Variants in MPP7 observed in about 807,000 individuals in gnomAD.
The protein encoded by MPP7 is MAGUK p55 subfamily member 7.
MPP7 carries 60 observed loss-of-function variants against 76.5 expected under a neutral mutation model. The ratio of observed to expected loss-of-function variants is 0.78; its 90% CI spans 0.64 to 0.97. The LOEUF is 0.97. Ranked by LOEUF, MPP7 falls within the 50% of genes least tolerant of loss-of-function variation. The pLI is 0.00. For missense variants in MPP7, 641 were observed against 694.0 expected (o/e 0.92, Z 0.86); for synonymous variants, 237 against 244.5 (o/e 0.97, Z 0.29).
chr10:28,098,605 T>C (rs1391398702), intron 11 of MPP7, among the ~76,000 whole-genome samples: 1 of 151,508 alleles, frequency 6.6e-6, no homozygotes, highest in Non-Finnish European at 1.5e-5. Flanking sequence ...CAACAACAAA[T>C]GAAATGAACA....
chr10:28,098,176 A>C (rs1301483238), intron 11 of MPP7, among the ~76,000 whole-genome samples: 1 of 152,082 alleles, frequency 6.6e-6, no homozygotes, highest in East Asian at 1.9e-4. Flanking sequence ...CAATTAAAAA[A>C]CTTGGAAGTA....
intron 2 of MPP7, among the ~76,000 whole-genome samples, chr10:28,320,462 A>G (rs1834358461): frequency 6.6e-6 from 1 of 152,018 alleles, no homozygotes; most frequent in African/African-American, 2.4e-5. Flanking sequence ...CTTATAGGGG[A>G]AAAAAGAGAG....
At chr10:28,102,333 A>G (rs984519146) in intron 11 of MPP7, among the ~76,000 whole-genome samples, 2 of 152,092 alleles carry the variant, frequency 1.3e-5, no homozygotes, top group African/African-American at 2.4e-5. Flanking sequence ...TGCAAACTAC[A>G]TACAACTTCC....
intron 5 of MPP7, among the ~76,000 whole-genome samples, chr10:28,139,522 C>A (rs1436248471): frequency 6.6e-6 from 1 of 152,176 alleles, no homozygotes. Context: ...AACACACATA[C>A]ATACACACAA....
intron 1 of MPP7, among the ~76,000 whole-genome samples, chr10:28,300,129 C>A (rs1841121613): frequency 6.6e-6 from 1 of 152,104 alleles, no homozygotes; most frequent in Non-Finnish European, 1.5e-5. Context: ...AGAGAAACAG[C>A]TGCAGTACCT....
At chr10:28,192,378 C>G (rs970686985) in intron 3 of MPP7, among the ~76,000 whole-genome samples, 2 of 152,144 alleles carry the variant, frequency 1.3e-5, no homozygotes, top group Non-Finnish European at 2.9e-5. Context: ...GAATCAACAA[C>G]AGCAAAAGAC....
At chr10:28,293,042 TTA>T (rs1840957322) in intron 1 of MPP7, among the ~76,000 whole-genome samples, 1 of 127,008 alleles carries the variant, frequency 7.9e-6, no homozygotes. Context: ...ACCCAGAAGG[TTA>T]AAAAAAAAAA....
In MPP7 at chr10:28,147,990, G is replaced by C. The variant is rs1835764811; in HGVS notation, c.235-427C>G. 3.9e-5 allele frequency among the ~76,000 whole-genome samples: 6 copies of C among 152,134 alleles called. No homozygotes were observed. The South Asian group carries it at 1.0e-3, about 26-fold the overall frequency. On this transcript the variant is annotated intron_variant, in intron 4 of 16. Transcript: ENST00000683449. ...TCCACAGGGTTTCCAAAAACCCATG[G>C]GGATTCCAAAAACCCACAGTAGCTG...
intron 1 of MPP7, among the ~76,000 whole-genome samples, chr10:28,286,976 G>A (rs1840803889): frequency 6.6e-6 from 1 of 152,140 alleles, no homozygotes; most frequent in Non-Finnish European, 1.5e-5. Context: ...CTGAAGTATG[G>A]AGGTTGCCTG....
At chr10:28,086,712 G>A (rs925424492) in intron 12 of MPP7, among the ~76,000 whole-genome samples, 1 of 152,160 alleles carries the variant, frequency 6.6e-6, no homozygotes. Context: ...CAGTTTTGAG[G>A]AGGCTGATTA....
At chr10:28,191,108 A>C (rs1454522401) in intron 3 of MPP7, among the ~76,000 whole-genome samples, 2 of 152,168 alleles carry the variant, frequency 1.3e-5, no homozygotes, top group East Asian at 3.9e-4. Flanking sequence ...GAATAAGCCT[A>C]TATTTATGAA....
At position 28,160,888 on chromosome 10, in the gene MPP7, T is replaced by C. The variant is rs148247967; in HGVS notation, c.157-10829A>G. ...AGTAGCTTTGGGGAAAAAACTAGTATATTTTTAAAGAGTTCACTTAAAAAG... is the reference window on the plus strand; with the variant it reads ...AGTAGCTTTGGGGAAAAAACTAGTACATTTTTAAAGAGTTCACTTAAAAAG... On this transcript the variant is annotated intron_variant, in intron 3 of 16. Transcript: ENST00000683449. 5.4e-3 allele frequency among the ~76,000 whole-genome samples: 816 copies of C among 152,316 alleles called. 8 individuals carry two copies. Among genetic ancestry groups the C allele is most frequent in the African/African-American group, 0.018 (765 of 41,558 alleles).
At chr10:28,236,262 G>T (rs1382657549) in intron 2 of MPP7, among the ~76,000 whole-genome samples, 1 of 152,034 alleles carries the variant, frequency 6.6e-6, no homozygotes, top group Non-Finnish European at 1.5e-5. Flanking sequence ...CAGCAATATG[G>T]TTCACTAAAC....
chr10:28,108,806 G>T (rs58971480), intron 11 of MPP7, among the ~76,000 whole-genome samples: 2,565 of 152,224 alleles, frequency 0.017, 72 homozygotes, highest in African/African-American at 0.056. Context: ...TGTTGGGGAA[G>T]ATCATTTTAA....
chr10:28,201,307 T>C (rs999572553), intron 3 of MPP7, among the ~76,000 whole-genome samples: 2 of 152,142 alleles, frequency 1.3e-5, no homozygotes, highest in African/African-American at 4.8e-5. Flanking sequence ...ATACTCTATA[T>C]CAATTAAAAG....
chr10:28,315,472 C>A (rs2133178516), intron 2 of MPP7, among the ~76,000 whole-genome samples: 1 of 152,210 alleles, frequency 6.6e-6, no homozygotes, highest in Non-Finnish European at 1.5e-5. Flanking sequence ...ATGTGCTTTG[C>A]AGTCTGTGGC....
intron 11 of MPP7, among the ~76,000 whole-genome samples, chr10:28,108,686 T>A (rs796305590): frequency 1.3e-4 from 18 of 142,820 alleles, no homozygotes; most frequent in African/African-American, 3.7e-4. Context: ...AATAAAATAA[T>A]ATAAAATAAT....
chr10:28,171,855 C>T (rs1244508723), intron 3 of MPP7, among the ~76,000 whole-genome samples: 1 of 152,068 alleles, frequency 6.6e-6, no homozygotes, highest in African/African-American at 2.4e-5. Context: ...ACTTTTTGCT[C>T]GTGCCATGTT....
At chr10:28,320,767 T>C (rs1417170796) in intron 2 of MPP7, among the ~76,000 whole-genome samples, 1 of 152,122 alleles carries the variant, frequency 6.6e-6, no homozygotes, top group East Asian at 1.9e-4. Context: ...ACTTAATATC[T>C]ACATCAAGCC....
Sources: gnomAD v4.1 joint callset for allele counts (sites outside exome capture counted in the v4.1 genomes callset) on GRCh38, gnomAD v4.1.1 for gene constraint, MANE v1.5 for transcripts, NCBI Gene and HGNC (gene_info 2026-07-23, HGNC 2026-07-21) for gene names.